PDZRN4: variants seen among roughly 807,000 people sequenced by gnomAD.
PDZRN4 encodes PDZ domain containing ring finger 4, also known as PDZ domain-containing RING finger protein 4.
Under a neutral mutation model 99.0 loss-of-function variants are expected in PDZRN4, and 70 were observed. The observed-to-expected ratio is 0.71, with a 90% CI of 0.58 to 0.86. The LOEUF is 0.86. Among genes scored for constraint, PDZRN4 ranks in the 40% least tolerant of loss-of-function variants. The probability of loss-of-function intolerance (pLI) is 0.00; values close to 1 mark genes in which losing one functional copy is unlikely to be tolerated. For missense variants in PDZRN4, 1,474 were observed against 1,331.2 expected, an observed-to-expected ratio of 1.11 and a Z score of -1.67; for synonymous variants, 551 against 501.6, an observed-to-expected ratio of 1.10 and a Z score of -1.32.
intron 3 of PDZRN4, among the ~76,000 whole-genome samples, chr12:41,434,408 A>G (rs1416819630): frequency 1.3e-5 from 2 of 152,096 alleles, no homozygotes; most frequent in Non-Finnish European, 2.9e-5. Context: ...GTCATGCTAG[A>G]CACCATTCAT....
chr12:41,569,771 T>C (rs1939443240), intron 9 of PDZRN4, among the ~76,000 whole-genome samples: 1 of 152,218 alleles, frequency 6.6e-6, no homozygotes, highest in South Asian at 2.1e-4. Context: ...AACATAGTCA[T>C]ATGTGATATA....
chr12:41,307,579 C>T (rs1220479806), intron 3 of PDZRN4, among the ~76,000 whole-genome samples: 1 of 151,014 alleles, frequency 6.6e-6, no homozygotes, highest in African/African-American at 2.4e-5. Context: ...TGAGGAGATC[C>T]TTACATGAAG....
Position 41,573,184 on chromosome 12 carries a change from G to A in PDZRN4, c.2405G>A (p.Cys802Tyr), listed in dbSNP as rs1444037170. Residue 802 changes from cysteine (C) to tyrosine (Y), a missense_variant, in exon 10 of 10, where the codon TGT becomes TAT. Transcript: ENST00000402685. ...STKAKTTEQG[C>Y]SAESKEKVLE... is the part of the protein sequence containing the mutation. ...AAAGCCAAAACCACTGAGCAAGGTT[G>A]TAGCGCTGAAAGCAAGGAGAAGGTT... The A allele has an allele frequency of 6.2e-7, 1 of 1,614,030 alleles. No homozygotes were observed. The highest frequency in any genetic ancestry group is 1.3e-5 in the African/African-American group (1 of 74,934).
intron 3 of PDZRN4, among the ~76,000 whole-genome samples, chr12:41,258,602 A>G (rs1333320182): frequency 6.6e-6 from 1 of 152,202 alleles, no homozygotes; most frequent in Non-Finnish European, 1.5e-5. Context: ...CTCTCTTAAA[A>G]TTAAGTACCA....
intron 3 of PDZRN4, among the ~76,000 whole-genome samples, chr12:41,256,471 G>A (rs1033917902): frequency 6.6e-6 from 1 of 152,162 alleles, no homozygotes; most frequent in South Asian, 2.1e-4. Flanking sequence ...TAGCTAAAAT[G>A]TGTTATAGAA....
chr12:41,563,441 G>C (rs1035819948), intron 7 of PDZRN4, 107 bp from the exon 8 acceptor site: 6 of 789,740 alleles, frequency 7.6e-6, no homozygotes, highest in Non-Finnish European at 1.3e-5. Context: ...CCCATTGTGT[G>C]AGCTTCATTG....
chr12:41,389,917 G>C (rs1190519484), intron 3 of PDZRN4, among the ~76,000 whole-genome samples: 1 of 152,178 alleles, frequency 6.6e-6, no homozygotes, highest in Non-Finnish European at 1.5e-5. Context: ...ATTACATTCA[G>C]AGTACAAATA....
At chr12:41,475,709 A>G (rs1449668388) in intron 3 of PDZRN4, among the ~76,000 whole-genome samples, 2 of 152,200 alleles carry the variant, frequency 1.3e-5, no homozygotes, top group Non-Finnish European at 1.5e-5. Context: ...TATTTCTTTT[A>G]TACATAATTT....
chr12:41,540,585 C>T (rs560685186), intron 5 of PDZRN4, among the ~76,000 whole-genome samples: 1 of 152,110 alleles, frequency 6.6e-6, no homozygotes, highest in Non-Finnish European at 1.5e-5. Context: ...ATTGTCATTC[C>T]TCATCAGCAT....
chr12:41,197,380 TA>T (rs1417605313), intron 3 of PDZRN4, among the ~76,000 whole-genome samples: 2 of 152,130 alleles, frequency 1.3e-5, no homozygotes, highest in Admixed American at 6.6e-5. Flanking sequence ...AATAAAAGAA[TA>T]AAAAATTACT....
chr12:41,457,485 A>G (rs563115109), intron 3 of PDZRN4, among the ~76,000 whole-genome samples: 100 of 152,270 alleles, frequency 6.6e-4, no homozygotes, highest in African/African-American at 2.4e-3. Flanking sequence ...AAGAATTTAA[A>G]TTTTTTTGAA....
At chr12:41,193,189 C>T (rs375768033) in intron 2 of PDZRN4, among the ~76,000 whole-genome samples, 2 of 152,110 alleles carry the variant, frequency 1.3e-5, no homozygotes, top group Non-Finnish European at 2.9e-5. Flanking sequence ...ATAGCATTTT[C>T]GTTATCATTT....
intron 3 of PDZRN4, among the ~76,000 whole-genome samples, chr12:41,255,829 G>C (rs1367152296): frequency 6.6e-6 from 1 of 152,184 alleles, no homozygotes; most frequent in East Asian, 1.9e-4. Context: ...AAGAGAGAGA[G>C]CAAGGGGCAG....
At chr12:41,199,311 A>C (rs1950799168) in intron 3 of PDZRN4, among the ~76,000 whole-genome samples, 1 of 152,158 alleles carries the variant, frequency 6.6e-6, no homozygotes, top group Non-Finnish European at 1.5e-5. Flanking sequence ...ATGAGATACC[A>C]TCTTACACCA....
rs150190768 is a variant in PDZRN4, at chr12:41,335,884, T to G, written c.843+141696T>G. ...ATTTTATGCTTTTGTTGTAATATAA[T>G]TTATCCAAATAATTTTAACTATAAA... On this transcript the variant is annotated intron_variant, in intron 3 of 9. Coordinates refer to ENST00000402685, the MANE Select transcript of PDZRN4 (RefSeq NM_001164595.2). Among the ~76,000 whole-genome samples, 141 of 152,276 alleles carry G rather than the reference T, an allele frequency of 9.3e-4. 2 individuals are homozygous for G. In the East Asian group the frequency reaches 0.024, roughly 26 times the overall value.
chr12:41,421,400 A>G (rs983504102), intron 3 of PDZRN4, among the ~76,000 whole-genome samples: 4 of 151,958 alleles, frequency 2.6e-5, no homozygotes, highest in Non-Finnish European at 5.9e-5. Flanking sequence ...ACCATGTTGG[A>G]CAGGCTGGTC....
chr12:41,568,001 C>A (rs891621560), intron 9 of PDZRN4, 102 bp downstream of exon 9: 27 of 672,216 alleles, frequency 4.0e-5, no homozygotes, highest in Non-Finnish European at 6.7e-5. Context: ...GGGTTTAATC[C>A]ATCATCTCTA....
chr12:41,265,372 T>G (rs1951269249), intron 3 of PDZRN4, among the ~76,000 whole-genome samples: 1 of 152,190 alleles, frequency 6.6e-6, no homozygotes, highest in South Asian at 2.1e-4. Context: ...TAATTTAACA[T>G]AGATTTAAAG....
chr12:41,362,711 A>T (rs752503375), intron 3 of PDZRN4, among the ~76,000 whole-genome samples: 2 of 152,076 alleles, frequency 1.3e-5, no homozygotes, highest in Non-Finnish European at 2.9e-5. Context: ...CCTTCTGTCC[A>T]GGGAAGTGAT....
Sources: allele counts gnomAD v4.1 joint callset (sites outside exome capture counted in the v4.1 genomes callset), GRCh38; gene constraint gnomAD v4.1.1; transcripts MANE v1.5; gene names NCBI Gene and HGNC (gene_info 2026-07-23, HGNC 2026-07-21).